Variants in COL28A1 observed in about 807,000 individuals in gnomAD.
COL28A1 encodes the protein collagen type XXVIII alpha 1 chain, also known as collagen alpha-1(XXVIII) chain.
Under a neutral mutation model 150.2 loss-of-function variants are expected in COL28A1, and 161 were observed. That is an observed-to-expected ratio of 1.07 (90% CI 0.94 to 1.22). COL28A1 has a LOEUF of 1.22. COL28A1 is among the 50% of genes most tolerant of loss of function. The pLI is 0.00. For missense variants in COL28A1, 1,617 were observed against 1,388.3 expected (o/e 1.16, Z -2.62); for synonymous variants, 552 against 469.7 (o/e 1.18, Z -2.26).
At chr7:7,472,428 A>C (rs1788512955) in intron 15 of COL28A1, among the ~76,000 whole-genome samples, 1 of 137,880 alleles carries the variant, frequency 7.3e-6, no homozygotes. Flanking sequence ...CAATAGCTGC[A>C]AAAAAAAAAA....
intron 27 of COL28A1, among the ~76,000 whole-genome samples, chr7:7,391,977 C>T (rs749201871): frequency 2.0e-5 from 3 of 152,038 alleles, no homozygotes; most frequent in African/African-American, 4.8e-5. Flanking sequence ...GCATTTAGCC[C>T]GTTTACAGTT....
chr7:7,531,799 T>G lies in COL28A1; in HGVS notation c.230A>C (p.Lys77Thr). The G allele has an allele frequency of 6.2e-7, 1 of 1,604,280 alleles. No homozygotes were observed. The highest frequency in any genetic ancestry group is 8.5e-7 in the Non-Finnish European group (1 of 1,171,084). The change falls in exon 3 of 35, where the codon AAG (lysine) becomes ACG (threonine). Residue 77 changes from lysine to threonine, a missense_variant. Coordinates refer to ENST00000399429, the MANE Select transcript of COL28A1 (RefSeq NM_001037763.3). ...QKDFVDSLSD[K>T]IFQLTPGRSL... ...GCGACCAGGAGTCAATTGGAAAATCTTGTCACTCAAGCTATCCACAAAATC... is the reference window on the plus strand; with the variant it reads ...GCGACCAGGAGTCAATTGGAAAATCGTGTCACTCAAGCTATCCACAAAATC...
At chr7:7,399,933 C>T (rs1207186138) in intron 27 of COL28A1, among the ~76,000 whole-genome samples, 1 of 152,242 alleles carries the variant, frequency 6.6e-6, no homozygotes, top group Non-Finnish European at 1.5e-5. Flanking sequence ...AACTGCTGAC[C>T]TGTGTGGCCA....
chr7:7,353,083 T>C (rs1294622), downstream of COL28A1, among the ~76,000 whole-genome samples: 137,121 of 152,272 alleles, frequency 0.9, 61,871 homozygotes, highest in East Asian at 1. Flanking sequence ...AGGCATTAGG[T>C]ACCTGGAGAG....
intron 20 of COL28A1, among the ~76,000 whole-genome samples, chr7:7,443,287 T>C (rs1422691660): frequency 6.6e-6 from 1 of 152,228 alleles, no homozygotes; most frequent in Non-Finnish European, 1.5e-5. Context: ...ATCTCAACGA[T>C]GTATCTCAAG....
At chr7:7,431,759 G>C (rs1784990790) in intron 25 of COL28A1, 1 of 345,978 alleles carries the variant, frequency 2.9e-6, no homozygotes, top group African/African-American at 2.1e-5. Flanking sequence ...GTGGAACAGA[G>C]GGAAGACCAA....
chr7:7,490,221 T>C (rs763535501), intron 12 of COL28A1, among the ~76,000 whole-genome samples: 7 of 152,208 alleles, frequency 4.6e-5, no homozygotes, highest in Admixed American at 6.5e-5. Flanking sequence ...TTTATGCTTA[T>C]TCAATGTGAA....
intron 8 of COL28A1, among the ~76,000 whole-genome samples, chr7:7,512,473 A>G (rs1287851497): frequency 6.6e-6 from 1 of 152,174 alleles, no homozygotes; most frequent in African/African-American, 2.4e-5. Flanking sequence ...TACAATAAAT[A>G]TGAACTTTTT....
intron 27 of COL28A1, among the ~76,000 whole-genome samples, chr7:7,389,265 A>G (rs1782385537): frequency 6.6e-6 from 1 of 152,112 alleles, no homozygotes; most frequent in Admixed American, 6.6e-5. Context: ...TCCTTTCCTC[A>G]TTGCTTGTTT....
intron 27 of COL28A1, among the ~76,000 whole-genome samples, chr7:7,412,840 C>T (rs1455836441): frequency 6.6e-6 from 1 of 151,936 alleles, no homozygotes; most frequent in Non-Finnish European, 1.5e-5. Flanking sequence ...CCTTATTAGC[C>T]CCATTTTAAA....
intron 27 of COL28A1, among the ~76,000 whole-genome samples, chr7:7,394,404 A>G (rs1667392779): frequency 6.6e-6 from 1 of 152,204 alleles, no homozygotes; most frequent in Non-Finnish European, 1.5e-5. Flanking sequence ...CTGCAATCCT[A>G]TATAAGCTTT....
chr7:7,538,207 A>G (rs1217428500), upstream of COL28A1, among the ~76,000 whole-genome samples: 3 of 152,242 alleles, frequency 2.0e-5, no homozygotes, highest in African/African-American at 7.2e-5. Context: ...ACCCAGAGAA[A>G]CAATGCACCA....
rs1022287237 is a variant in COL28A1, at chr7:7,413,881, T to C, written c.2136+3978A>G. ...AAGCATTTATGCATAGGAAGAGTTA[T>C]AGTAGAGCCAGTCCACAAATCTACC... is the stretch of plus-strand genomic sequence containing the variant. On this transcript the variant is annotated intron_variant, in intron 27 of 34. Coordinates refer to ENST00000399429, the MANE Select transcript of COL28A1 (RefSeq NM_001037763.3). Among the ~76,000 whole-genome samples the C allele has an allele frequency of 2.6e-5, 4 of 152,190 alleles. No homozygotes were observed. In the East Asian group the frequency reaches 7.7e-4, roughly 29 times the overall value.
chr7:7,492,606 A>G lies in COL28A1; in HGVS notation c.1027-1960T>C, dbSNP rs1290232499. On this transcript the variant is annotated intron_variant, in intron 11 of 34. Coordinates refer to ENST00000399429, the MANE Select transcript of COL28A1 (RefSeq NM_001037763.3). ...TCTGTTAAAAAAAAAAAAAAAAAAAAAAAAAGGTCTGTTGACTTTGACCAA... is the reference window on the plus strand; with the variant it reads ...TCTGTTAAAAAAAAAAAAAAAAAAAGAAAAAGGTCTGTTGACTTTGACCAA... 5.6e-5 allele frequency among the ~76,000 whole-genome samples: 7 copies of G among 124,526 alleles called. No homozygotes were observed. The East Asian group carries it at 1.6e-3, about 28-fold the overall frequency. 81.7% of individuals were successfully genotyped at this position (124,526 alleles called of 152,430 possible).
intron 4 of COL28A1, among the ~76,000 whole-genome samples, chr7:7,522,743 GGAA>G (rs1781794340): frequency 1.5e-5 from 2 of 136,974 alleles, no homozygotes; most frequent in Non-Finnish European, 3.0e-5. Context: ...GGGCCACATT[GGAA>G]GAAGAAGAAT....
At chr7:7,511,053 G>A in intron 9 of COL28A1, 38 bp downstream of exon 9, 1 of 1,573,726 alleles carries the variant, frequency 6.4e-7, no homozygotes, top group Admixed American at 1.7e-5. Context: ...ACCCAAAAGG[G>A]ATCACAGCTG....
chr7:7,471,844 G>A (rs1384658017), intron 15 of COL28A1, among the ~76,000 whole-genome samples: 1 of 152,142 alleles, frequency 6.6e-6, no homozygotes, highest in African/African-American at 2.4e-5. Flanking sequence ...GCAGTGAACT[G>A]AGATGGCACC....
intron 25 of COL28A1, among the ~76,000 whole-genome samples, chr7:7,428,196 G>C (rs1004794548): frequency 6.6e-6 from 1 of 152,134 alleles, no homozygotes; most frequent in Non-Finnish European, 1.5e-5. Context: ...TCTGCCAACA[G>C]ACTTATGCCA....
chr7:7,418,011 C>A, intron 26 of COL28A1, 84 bp from the exon 27 acceptor site: 1 of 1,093,042 alleles, frequency 9.1e-7, no homozygotes, highest in Non-Finnish European at 1.3e-6. Context: ...CTCTCAGCTG[C>A]ATTCTTACTT....
Sources: gnomAD v4.1 joint callset for allele counts (sites outside exome capture counted in the v4.1 genomes callset) on GRCh38, gnomAD v4.1.1 for gene constraint, MANE v1.5 for transcripts, NCBI Gene and HGNC (gene_info 2026-07-23, HGNC 2026-07-21) for gene names.